Variants in RCAN1 observed in about 807,000 individuals in gnomAD.
The protein encoded by RCAN1 is calcipressin-1.
RCAN1 carries 11 observed loss-of-function variants against 22.9 expected under a neutral mutation model. The ratio of observed to expected loss-of-function variants is 0.48; its 90% CI spans 0.30 to 0.79. RCAN1 has a LOEUF of 0.79. Ranked by LOEUF, RCAN1 falls within the 30% of genes least tolerant of loss-of-function variation. The probability of loss-of-function intolerance (pLI) is 0.06; values close to 1 mark genes in which losing one functional copy is unlikely to be tolerated. For missense variants in RCAN1, 291 were observed against 337.8 expected, an observed-to-expected ratio of 0.86 and a Z score of 1.09; for synonymous variants, 136 against 142.3, an observed-to-expected ratio of 0.96 and a Z score of 0.32.
intron 1 of RCAN1, among the ~76,000 whole-genome samples, chr21:34,531,944 G>A (rs565319173): frequency 3.9e-5 from 6 of 152,188 alleles, no homozygotes; most frequent in African/African-American, 1.2e-4. Flanking sequence ...GCTGAAGCCC[G>A]ACAAGGCAGA....
intron 1 of RCAN1, among the ~76,000 whole-genome samples, chr21:34,578,073 T>C (rs1356956998): frequency 6.6e-6 from 1 of 151,972 alleles, no homozygotes; most frequent in African/African-American, 2.4e-5. Context: ...CAGGGACCAA[T>C]AAGATGAGGA....
In RCAN1 at chr21:34,604,630, GCT is replaced by G. The variant is rs1988468243; in HGVS notation, c.252+10128_252+10129del. Among the ~76,000 whole-genome samples the G allele has an allele frequency of 2.6e-5, 4 of 152,226 alleles. No homozygotes were observed. In the South Asian group the frequency reaches 8.3e-4, roughly 31 times the overall value. On this transcript the variant is annotated intron_variant, in intron 1 of 3. Coordinates refer to ENST00000313806, the MANE Select transcript of RCAN1 (RefSeq NM_004414.7). ...AGAACTAGAATCACATTGAAGAAAT[GCT>G]CTTTTTGAGCAGATTCCTACATGGA...
intron 1 of RCAN1, among the ~76,000 whole-genome samples, chr21:34,525,827 G>A (rs1427030604): frequency 1.3e-5 from 2 of 152,116 alleles, no homozygotes; most frequent in African/African-American, 4.8e-5. Flanking sequence ...CATAGAATGT[G>A]CTCTGCAATC....
At chr21:34,529,975 A>C (rs978751813) in intron 1 of RCAN1, among the ~76,000 whole-genome samples, 1 of 152,194 alleles carries the variant, frequency 6.6e-6, no homozygotes, top group Non-Finnish European at 1.5e-5. Flanking sequence ...CCATGTAAGA[A>C]GTGTCTTTCA....
chr21:34,567,356 C>T (rs1453544260), intron 1 of RCAN1, among the ~76,000 whole-genome samples: 5 of 152,052 alleles, frequency 3.3e-5, no homozygotes, highest in African/African-American at 7.2e-5. Flanking sequence ...ATTAGCCGAG[C>T]GTGGGGGGCA....
At chr21:34,577,481 C>T (rs1393437402) in intron 1 of RCAN1, among the ~76,000 whole-genome samples, 1 of 152,122 alleles carries the variant, frequency 6.6e-6, no homozygotes, top group African/African-American at 2.4e-5. Flanking sequence ...CGCCTGTAGT[C>T]CCAGCTACTT....
At chr21:34,541,553 A>G (rs1490419581) in intron 1 of RCAN1, among the ~76,000 whole-genome samples, 1 of 152,152 alleles carries the variant, frequency 6.6e-6, no homozygotes, top group Non-Finnish European at 1.5e-5. Context: ...ATTTTTTTGC[A>G]TGGCATTGGG....
intron 1 of RCAN1, among the ~76,000 whole-genome samples, chr21:34,586,627 G>A (rs1258567301): frequency 2.0e-5 from 3 of 152,166 alleles, no homozygotes; most frequent in East Asian, 3.9e-4. Context: ...ATCTTAAAAA[G>A]CAAGAAAACA....
intron 1 of RCAN1, among the ~76,000 whole-genome samples, chr21:34,556,065 A>AAAAAAAATAAAT (rs1431363356): frequency 1.8e-5 from 2 of 108,124 alleles, no homozygotes; most frequent in African/African-American, 3.8e-5. Context: ...TCCATTTCAA[A>AAAAAAAATAAAT]AAATAAATAA....
At chr21:34,580,712 C>A (rs1406599726) in intron 1 of RCAN1, among the ~76,000 whole-genome samples, 4 of 152,200 alleles carry the variant, frequency 2.6e-5, no homozygotes, top group African/African-American at 9.7e-5. Context: ...CACCTTTGTG[C>A]ATGGCTCACC....
chr21:34,594,663 T>C (rs1988089184), intron 1 of RCAN1, among the ~76,000 whole-genome samples: 1 of 152,152 alleles, frequency 6.6e-6, no homozygotes, highest in South Asian at 2.1e-4. Context: ...TGAGGAGCAC[T>C]GAATAAGGCA....
At position 34,524,281 on chromosome 21, in the gene RCAN1, G is replaced by A. The variant is rs116993487; in HGVS notation, c.253-571C>T. The A allele has an allele frequency of 7.3e-3, 1,118 of 152,708 alleles. 6 individuals are homozygous for A. Among genetic ancestry groups the A allele is most frequent in the Admixed American group, 0.015 (224 of 15,296 alleles). 9.5% of individuals were successfully genotyped at this position (152,708 alleles called of 1,614,324 possible). The stretch of plus-strand genomic sequence containing the variant: ...TTGCCAATACATAGACACTACTTAC[G>A]GTAACAAACTTTTTTAAAAAGTAGA... On this transcript the variant is annotated intron_variant, in intron 1 of 3. Transcript: ENST00000313806.
Position 34,526,679 on chromosome 21 carries a change from C to T in RCAN1, c.253-2969G>A, listed in dbSNP as rs998013644. ...AAGCCTTACCCTGGTTTCACTTTCG[C>T]TGAAGATATCACTGTTTGCCACACA... On this transcript the variant is annotated intron_variant, in intron 1 of 3. Transcript: ENST00000313806. 4 of 1,613,050 alleles carry T rather than the reference C, an allele frequency of 2.5e-6. No individual in the cohort carries two copies. The Admixed American group carries it at 5.0e-5, about 20-fold the overall frequency.
At chr21:34,524,808 G>C (rs1984891222) in intron 1 of RCAN1, among the ~76,000 whole-genome samples, 1 of 152,108 alleles carries the variant, frequency 6.6e-6, no homozygotes, top group Non-Finnish European at 1.5e-5. Context: ...GGTTGCTCAG[G>C]GGACAGCCCC....
At chr21:34,545,054 C>T (rs890462773) in intron 1 of RCAN1, among the ~76,000 whole-genome samples, 2 of 152,240 alleles carry the variant, frequency 1.3e-5, no homozygotes, top group East Asian at 1.9e-4. Context: ...TCTGGGACCA[C>T]GTCTCCCGAG....
intron 1 of RCAN1, among the ~76,000 whole-genome samples, chr21:34,568,262 GC>G (rs1218960788): frequency 1.3e-5 from 2 of 152,124 alleles, no homozygotes; most frequent in Non-Finnish European, 2.9e-5. Context: ...ACTTTTTTGT[GC>G]TCATGTTAGA....
chr21:34,614,656 C>A lies in RCAN1; in HGVS notation c.252+104G>T. 2 of 1,166,500 alleles carry A rather than the reference C, an allele frequency of 1.7e-6. No homozygotes were observed. Among genetic ancestry groups the A allele is most frequent in the Admixed American group, 4.7e-5 (1 of 21,102 alleles). The allele number at this position is 1,166,500 out of a possible 1,614,324, so 72.3% of individuals were successfully genotyped here. ...GCAGCCCGGGGGACGTCGCTGCCTC[C>A]CCGCCCCGCGCGCGGCCGGGACTGG... is the stretch of plus-strand genomic sequence containing the variant. On this transcript the variant is annotated intron_variant, in intron 1 of 3. Coordinates refer to ENST00000313806, the MANE Select transcript of RCAN1 (RefSeq NM_004414.7). This position sits in a 1 kb window ranked among gnomAD's most constrained non-coding sequence, Gnocchi z 6.0.
Position 34,614,820 on chromosome 21 carries a change from C to T in RCAN1, c.192G>A (p.Leu64=). The change falls in exon 1 of 4, where the codon CTG becomes CTA. Residue 64 remains leucine, a synonymous_variant. Transcript: ENST00000313806. The surrounding 1 kb of genome is among the most constrained non-coding windows in gnomAD (Gnocchi z 6.0). ...CEMEEVDLQD[L]PSATIACHLD... is the part of the protein sequence containing the mutation. ...GGTGACAGGCGATGGTGGCGCTGGG[C>T]AGGTCCTGCAGGTCCACCTCCTCCA... is the stretch of plus-strand genomic sequence containing the variant. 6.7e-7 allele frequency: 1 copy of T among 1,488,482 alleles called. No homozygotes were observed. The highest frequency in any genetic ancestry group is 8.9e-7 in the Non-Finnish European group (1 of 1,117,520). The allele number at this position is 1,488,482 out of a possible 1,614,324, so 92.2% of individuals were successfully genotyped here.
chr21:34,530,034 C>G (rs143484648), intron 1 of RCAN1, among the ~76,000 whole-genome samples: 3,890 of 152,316 alleles, frequency 0.026, 125 homozygotes, highest in African/African-American at 0.07. Flanking sequence ...AACTGTAAGT[C>G]CAATTAAACC....
Sources: gnomAD v4.1 joint callset for allele counts (sites outside exome capture counted in the v4.1 genomes callset) on GRCh38, gnomAD v4.1.1 for gene constraint, Gnocchi (gnomAD v3.1) non-coding constraint, MANE v1.5 for transcripts, NCBI Gene and HGNC (gene_info 2026-07-23, HGNC 2026-07-21) for gene names.